CMIP: variants seen among roughly 807,000 people sequenced by gnomAD.
CMIP encodes C-Maf-inducing protein.
A neutral mutation model predicts 97.3 loss-of-function variants in CMIP; 13 were observed. The observed-to-expected ratio is 0.13, with a 90% CI of 0.09 to 0.21. CMIP has a LOEUF of 0.21. Among genes scored for constraint, CMIP ranks in the 10% least tolerant of loss-of-function variants. The pLI is 1.00. For missense variants in CMIP, 847 were observed against 1,024.9 expected (o/e 0.83, Z 2.37); for synonymous variants, 538 against 436.3 (o/e 1.23, Z -2.91).
intron 1 of CMIP, among the ~76,000 whole-genome samples, chr16:81,473,041 T>C (rs1907655146): frequency 6.6e-6 from 1 of 152,162 alleles, no homozygotes; most frequent in African/African-American, 2.4e-5. Context: ...CTGCATACCC[T>C]CAGCATCCTG....
chr16:81,547,937 A>G (rs1179943235), intron 1 of CMIP, among the ~76,000 whole-genome samples: 1 of 152,272 alleles, frequency 6.6e-6, no homozygotes, highest in Admixed American at 6.5e-5. Flanking sequence ...CTGTCACCCG[A>G]GCAACTCGCA....
chr16:81,557,891 T>C (rs6564889), intron 1 of CMIP, among the ~76,000 whole-genome samples: 81,093 of 151,996 alleles, frequency 0.53, 22,497 homozygotes, highest in Non-Finnish European at 0.6. Flanking sequence ...CCCTCCATCT[T>C]CAGAACTCTT....
At chr16:81,641,319 G>A (rs2092304381) in intron 3 of CMIP, among the ~76,000 whole-genome samples, 1 of 151,978 alleles carries the variant, frequency 6.6e-6, no homozygotes, top group Admixed American at 6.6e-5. Flanking sequence ...ACCTTCCCTG[G>A]GTGGCTGCAG....
chr16:81,474,947 G>T (rs1907806171), intron 1 of CMIP, among the ~76,000 whole-genome samples: 1 of 152,202 alleles, frequency 6.6e-6, no homozygotes, highest in Admixed American at 6.5e-5. Flanking sequence ...CAGGCCTGAG[G>T]GTAACTCATT....
chr16:81,549,422 G>A (rs987625334), intron 1 of CMIP, among the ~76,000 whole-genome samples: 5 of 152,218 alleles, frequency 3.3e-5, no homozygotes, highest in Non-Finnish European at 2.9e-5. Context: ...GCCGAGGGCC[G>A]TTGGGAAATT....
intron 1 of CMIP, among the ~76,000 whole-genome samples, chr16:81,587,167 A>G (rs1178260801): frequency 1.3e-5 from 2 of 152,168 alleles, no homozygotes; most frequent in Non-Finnish European, 2.9e-5. Context: ...TATACAGGAG[A>G]AAGGGAACCT....
At chr16:81,691,718 G>A in intron 10 of CMIP, 57 bp from the exon 11 acceptor site, 1 of 1,488,366 alleles carries the variant, frequency 6.7e-7, no homozygotes, top group Admixed American at 1.7e-5. Context: ...ACCAAAAACA[G>A]TGCCATAAAC....
intron 1 of CMIP, among the ~76,000 whole-genome samples, chr16:81,548,419 A>ACCAGCCAGCT (rs2090590702): frequency 2.6e-5 from 4 of 152,190 alleles, no homozygotes; most frequent in Admixed American, 2.6e-4. Context: ...TTACAGTGTG[A>ACCAGCCAGCT]GGCACCAGCC....
intron 16 of CMIP, 75 bp from the exon 17 acceptor site, chr16:81,702,547 T>C: frequency 7.1e-7 from 1 of 1,412,538 alleles, no homozygotes; most frequent in Non-Finnish European, 9.9e-7. Context: ...CCATGAGTGT[T>C]GTTAACAGAG....
chr16:81,688,275 A>C (rs1905645874), intron 10 of CMIP, among the ~76,000 whole-genome samples: 1 of 152,212 alleles, frequency 6.6e-6, no homozygotes, highest in African/African-American at 2.4e-5. Flanking sequence ...CTTTCATGAA[A>C]GGGTTAAGTG....
intron 10 of CMIP, among the ~76,000 whole-genome samples, chr16:81,685,069 C>G (rs1905243425): frequency 6.6e-6 from 1 of 152,238 alleles, no homozygotes; most frequent in African/African-American, 2.4e-5. Flanking sequence ...CTTCGTGGGC[C>G]TGCCAGTCTG....
intron 1 of CMIP, among the ~76,000 whole-genome samples, chr16:81,540,460 G>A (rs979706537): frequency 3.3e-5 from 5 of 151,740 alleles, no homozygotes; most frequent in African/African-American, 7.3e-5. Context: ...AAACCACCTC[G>A]CCCAGCTAAT....
At chr16:81,494,005 A>C (rs1460093295) in intron 1 of CMIP, among the ~76,000 whole-genome samples, 2 of 152,244 alleles carry the variant, frequency 1.3e-5, no homozygotes, top group African/African-American at 2.4e-5. Flanking sequence ...TTAAAAAAAC[A>C]ACCAGTGTGA....
intron 1 of CMIP, among the ~76,000 whole-genome samples, chr16:81,522,501 C>T (rs1278837909): frequency 2.0e-5 from 3 of 152,254 alleles, no homozygotes; most frequent in African/African-American, 4.8e-5. Flanking sequence ...GCACTGCATA[C>T]TGTGATAGAC....
intron 3 of CMIP, among the ~76,000 whole-genome samples, chr16:81,643,805 A>ATAAG (rs1279847533): frequency 6.6e-6 from 1 of 152,082 alleles, no homozygotes; most frequent in Non-Finnish European, 1.5e-5. Flanking sequence ...AAATAAATAA[A>ATAAG]TAAATAAGGT....
chr16:81,709,180 C>G (rs538558461), intron 20 of CMIP, among the ~76,000 whole-genome samples: 1 of 152,308 alleles, frequency 6.6e-6, no homozygotes, highest in Admixed American at 6.5e-5. Context: ...TGGGAAGAAT[C>G]TAAGCCAAAC....
intron 1 of CMIP, among the ~76,000 whole-genome samples, chr16:81,547,531 T>C (rs999224733): frequency 1.3e-5 from 2 of 151,960 alleles, no homozygotes; most frequent in Non-Finnish European, 2.9e-5. Flanking sequence ...GACACCTTGC[T>C]CAGAGGGGTA....
chr16:81,630,526 G>C (rs2092142121), intron 3 of CMIP: 1 of 152,298 alleles, frequency 6.6e-6, no homozygotes, highest in African/African-American at 2.4e-5. Flanking sequence ...GGCCGGGTCA[G>C]TGCCACTGGC....
chr16:81,559,349 T>A (rs1182705173), intron 1 of CMIP, among the ~76,000 whole-genome samples: 1 of 152,200 alleles, frequency 6.6e-6, no homozygotes, highest in African/African-American at 2.4e-5. Flanking sequence ...GCCTCATGAT[T>A]CTTTTGTGCC....
Sources: allele counts gnomAD v4.1 joint callset (sites outside exome capture counted in the v4.1 genomes callset), GRCh38; gene constraint gnomAD v4.1.1; transcripts MANE v1.5; gene names NCBI Gene and HGNC (gene_info 2026-07-23, HGNC 2026-07-21).